KCTD1: variants seen among roughly 807,000 people sequenced by gnomAD.
KCTD1 encodes the protein potassium channel tetramerization domain containing 1, also known as BTB/POZ domain-containing protein KCTD1.
Under a neutral mutation model 66.0 loss-of-function variants are expected in KCTD1, and 24 were observed. The ratio of observed to expected loss-of-function variants is 0.36; its 90% CI spans 0.26 to 0.51. The LOEUF (loss-of-function observed/expected upper bound fraction) is 0.51. Ranked by LOEUF, KCTD1 falls within the 20% of genes least tolerant of loss-of-function variation. The pLI, the probability that KCTD1 is intolerant of heterozygous loss-of-function variation, is 0.95. For missense variants in KCTD1, 943 were observed against 1,205.2 expected (o/e 0.78, Z 3.22); for synonymous variants, 511 against 517.2 (o/e 0.99, Z 0.16).
chr18:26,524,249 CT>C (rs767311318), intron 1 of KCTD1, among the ~76,000 whole-genome samples: 55 of 152,156 alleles, frequency 3.6e-4, no homozygotes, highest in Non-Finnish European at 6.6e-4. Flanking sequence ...TCCACCCTTA[CT>C]TATGGGCCAA....
At position 26,611,957 on chromosome 18, in the gene KCTD1, C is replaced by T. The variant is rs1241614219; in HGVS notation, c.-16+17190G>A. ...GAGTAGTGCTTAGCTAATTACCCAC[C>T]ACTACTGAAGCAAGACTTTCCTTAG... On this transcript the variant is annotated intron_variant, in intron 1 of 4. Coordinates refer to the KCTD1 transcript ENST00000317932. 2.0e-5 allele frequency among the ~76,000 whole-genome samples: 3 copies of T among 152,260 alleles called. No individual in the cohort carries two copies. The East Asian group carries it at 5.8e-4, about 29-fold the overall frequency.
intron 1 of KCTD1, among the ~76,000 whole-genome samples, chr18:26,584,161 T>C (rs1182059188): frequency 1.3e-5 from 2 of 152,150 alleles, no homozygotes; most frequent in African/African-American, 2.4e-5. Context: ...TGAGGGCTCA[T>C]CAAGTGTGCT....
intron 1 of KCTD1, among the ~76,000 whole-genome samples, chr18:26,616,872 T>C (rs893141454): frequency 6.6e-6 from 1 of 152,194 alleles, no homozygotes; most frequent in African/African-American, 2.4e-5. Flanking sequence ...ACTCTCCTGG[T>C]GATGGACAGA....
intron 1 of KCTD1, among the ~76,000 whole-genome samples, chr18:26,541,996 T>C (rs1021452460): frequency 1.3e-5 from 2 of 152,152 alleles, no homozygotes; most frequent in Non-Finnish European, 2.9e-5. Flanking sequence ...CTGATGATCA[T>C]GTAGCAAGCA....
intron 1 of KCTD1, among the ~76,000 whole-genome samples, chr18:26,615,999 C>G (rs936086116): frequency 3.9e-5 from 6 of 152,160 alleles, no homozygotes; most frequent in African/African-American, 1.4e-4. Context: ...CCATGTTGGC[C>G]AGGCTGGTCT....
chr18:26,473,399 G>T (rs1981171240), intron 3 of KCTD1, among the ~76,000 whole-genome samples: 1 of 151,496 alleles, frequency 6.6e-6, no homozygotes, highest in African/African-American at 2.4e-5. Context: ...ACACACACTG[G>T]GGCCTGTAGC....
chr18:26,527,412 T>C (rs1423483492), intron 1 of KCTD1, among the ~76,000 whole-genome samples: 1 of 150,210 alleles, frequency 6.7e-6, no homozygotes. Context: ...ATTATTAAGG[T>C]TGTGTCAAGA....
At chr18:26,534,775 C>G (rs1046394276) in intron 1 of KCTD1, among the ~76,000 whole-genome samples, 1 of 152,156 alleles carries the variant, frequency 6.6e-6, no homozygotes, top group African/African-American at 2.4e-5. Context: ...CTTGGTAATT[C>G]TACCAGAACC....
chr18:26,464,077 G>A (rs1056646910), intron 3 of KCTD1, among the ~76,000 whole-genome samples: 2 of 152,236 alleles, frequency 1.3e-5, no homozygotes, highest in African/African-American at 4.8e-5. Flanking sequence ...GATATATTCA[G>A]TGTATTAGGT....
rs1461744521 is a variant in KCTD1, at chr18:26,546,939, T to C, written c.1598A>G (p.Lys533Arg). Residue 533 changes from lysine to arginine, a missense_variant, in exon 1 of 5, where the codon AAG becomes AGG. Lys to Arg is a conservative substitution (Grantham distance 26). Around this residue, in one of 10 missense-constraint regions of KCTD1, gnomAD observed 197 missense variants for 182.7 expected, o/e 1.08. Coordinates refer to ENST00000580059, the MANE Select transcript of KCTD1 (RefSeq NM_001142730.3). Reference sequence around the variant, plus strand: ...GAACACAGACTCGTACAGGGCGCGCTTGGGCGCAGCCTCGGATTTCACGTC... The same window carrying C: ...GAACACAGACTCGTACAGGGCGCGCCTGGGCGCAGCCTCGGATTTCACGTC... Reference protein sequence around the residue: ...GPDVKSEAAPKRALYESVFGS... With the variant: ...GPDVKSEAAPRRALYESVFGS... The C allele has an allele frequency of 2.0e-6, 3 of 1,475,620 alleles. No individual in the cohort carries two copies. Among genetic ancestry groups the C allele is most frequent in the Admixed American group, 4.9e-5 (2 of 40,602 alleles). 91.4% of individuals were successfully genotyped at this position (1,475,620 alleles called of 1,614,324 possible). A position where few individuals can be genotyped will look rare whatever the true frequency, so the allele number is the denominator to read the frequency against.
At chr18:26,527,667 C>T (rs11083174) in intron 1 of KCTD1, among the ~76,000 whole-genome samples, 36,158 of 151,908 alleles carry the variant, frequency 0.24, 4,977 homozygotes, top group East Asian at 0.51. Context: ...TGAGTGATAA[C>T]AGTGTGTCAA....
chr18:26,549,648 A>G (rs1467058443), upstream of KCTD1: 3 of 924,732 alleles, frequency 3.2e-6, no homozygotes, highest in Non-Finnish European at 2.6e-6. Flanking sequence ...CCCATCGGGC[A>G]GGCGGAAAAA....
intron 1 of KCTD1, among the ~76,000 whole-genome samples, chr18:26,553,984 G>T (rs374319751): frequency 7.3e-6 from 1 of 137,822 alleles, no homozygotes; most frequent in African/African-American, 2.7e-5. Flanking sequence ...CAGAGAGAAA[G>T]AAAAGAAAAG....
At chr18:26,561,599 T>C (rs1160219798) in intron 1 of KCTD1, among the ~76,000 whole-genome samples, 2 of 152,208 alleles carry the variant, frequency 1.3e-5, no homozygotes, top group Non-Finnish European at 2.9e-5. Flanking sequence ...TTACAGTGCC[T>C]GACATACCTC....
upstream of KCTD1, among the ~76,000 whole-genome samples, chr18:26,630,587 G>A (rs1987597533): frequency 6.6e-6 from 1 of 152,158 alleles, no homozygotes; most frequent in African/African-American, 2.4e-5. Flanking sequence ...CTCCCACCAT[G>A]GCCTCCCAAA....
At chr18:26,549,351 C>T, upstream of KCTD1, 1 of 985,454 alleles carries the variant, frequency 1.0e-6, no homozygotes, top group Non-Finnish European at 1.2e-6. Context: ...ACATCCCTTT[C>T]GACTTTTCCA....
intron 1 of KCTD1, among the ~76,000 whole-genome samples, chr18:26,528,587 C>G (rs926737410): frequency 6.6e-6 from 1 of 152,172 alleles, no homozygotes; most frequent in African/African-American, 2.4e-5. Context: ...GCCTCCTTGA[C>G]AGTCAAACTG....
At position 26,455,185 on chromosome 18, in the gene KCTD1, T is replaced by TAACA. The variant is rs1248866361; in HGVS notation, c.*554_*557dup. ...CAAACTACATTTAAAATTTCATGTC[T>TAACA]AACATCTTTGCAATGTGCTCATGAG... On this transcript the variant is annotated 3_prime_UTR_variant, in exon 5 of 5. Transcript: ENST00000580059. 3 of 152,804 alleles carry TAACA rather than the reference T, an allele frequency of 2.0e-5. No individual in the cohort carries two copies. Among genetic ancestry groups the TAACA allele is most frequent in the African/African-American group, 2.4e-5 (1 of 41,588 alleles). 9.5% of individuals were successfully genotyped at this position (152,804 alleles called of 1,614,324 possible).
At chr18:26,492,614 A>C (rs896863073) in intron 2 of KCTD1, among the ~76,000 whole-genome samples, 1 of 110,202 alleles carries the variant, frequency 9.1e-6, no homozygotes, top group Admixed American at 7.9e-5. Context: ...TCAATAAATA[A>C]ATAAATAAAT....
Sources: allele counts gnomAD v4.1 joint callset (sites outside exome capture counted in the v4.1 genomes callset), GRCh38; gene constraint gnomAD v4.1.1; regional missense constraint gnomAD v4.1.1; transcripts MANE v1.5; gene names NCBI Gene and HGNC (gene_info 2026-07-23, HGNC 2026-07-21).